AGTPBP1: variants seen among roughly 807,000 people sequenced by gnomAD.
AGTPBP1 encodes ATP/GTP binding carboxypeptidase 1, also known as cytosolic carboxypeptidase 1.
Under a neutral mutation model 143.9 loss-of-function variants are expected in AGTPBP1, and 70 were observed. The observed-to-expected ratio is 0.49, with a 90% confidence interval of 0.40 to 0.59. The LOEUF is 0.59. Ranked by LOEUF, AGTPBP1 falls within the 20% of genes least tolerant of loss-of-function variation. The pLI is 0.00. For synonymous variants in AGTPBP1, 463 were observed against 500.2 expected, an observed-to-expected ratio of 0.93 and a Z score of 0.99; for missense variants, 1,229 against 1,464.5, an observed-to-expected ratio of 0.84 and a Z score of 2.62.
At chr9:85,708,206 C>A (rs1041523858) in intron 2 of AGTPBP1, among the ~76,000 whole-genome samples, 14 of 152,240 alleles carry the variant, frequency 9.2e-5, no homozygotes, top group Non-Finnish European at 1.5e-4. Context: ...TCACCCTAAC[C>A]TTTTGCTTCC....
chr9:85,724,525 A>G (rs1438266368), intron 1 of AGTPBP1, among the ~76,000 whole-genome samples: 3 of 152,174 alleles, frequency 2.0e-5, no homozygotes, highest in Non-Finnish European at 4.4e-5. Flanking sequence ...TTAATGCCAC[A>G]ATCTACTTTA....
At chr9:85,729,340 A>G (rs1184588094) in intron 1 of AGTPBP1, among the ~76,000 whole-genome samples, 1 of 152,226 alleles carries the variant, frequency 6.6e-6, no homozygotes, top group Non-Finnish European at 1.5e-5. Flanking sequence ...GAAGTTCAAT[A>G]TACGCTACAA....
chr9:85,605,438 CA>C (rs1443170282), intron 17 of AGTPBP1, among the ~76,000 whole-genome samples: 1 of 151,204 alleles, frequency 6.6e-6, no homozygotes, highest in South Asian at 2.1e-4. Context: ...CTTCCCCAGA[CA>C]AAAAAAAGCT....
In AGTPBP1 at chr9:85,589,294, G is replaced by A. The variant is rs115736497; in HGVS notation, c.2722+234C>T. ...CAATTTCTAAGGATAAGAACTAAAC[G>A]ACAGTGGTAGCAAAAGAGACCTCAG... On this transcript the variant is annotated intron_variant, in intron 20 of 25. Transcript: ENST00000357081. 3.0e-3 allele frequency among the ~76,000 whole-genome samples: 454 copies of A among 152,096 alleles called. 2 individuals carry two copies. Among genetic ancestry groups the A allele is most frequent in the African/African-American group, 9.5e-3 (395 of 41,496 alleles).
chr9:85,673,681 G>A (rs1007878425), intron 6 of AGTPBP1, among the ~76,000 whole-genome samples: 1 of 151,968 alleles, frequency 6.6e-6, no homozygotes, highest in Non-Finnish European at 1.5e-5. Context: ...AGGGGTGAAG[G>A]TTGAAAAATT....
At chr9:85,717,451 G>A (rs1045773251) in intron 1 of AGTPBP1, among the ~76,000 whole-genome samples, 1 of 152,226 alleles carries the variant, frequency 6.6e-6, no homozygotes, top group Non-Finnish European at 1.5e-5. Context: ...GCAGTGAGCT[G>A]TGTTCACACC....
At chr9:85,744,140 C>T (rs765046038), upstream of AGTPBP1, among the ~76,000 whole-genome samples, 2 of 151,938 alleles carry the variant, frequency 1.3e-5, no homozygotes, top group Non-Finnish European at 2.9e-5. Context: ...CTAAGTCACC[C>T]AGGCTGGTCT....
At chr9:85,652,894 A>G (rs1833256783) in intron 11 of AGTPBP1, among the ~76,000 whole-genome samples, 1 of 152,182 alleles carries the variant, frequency 6.6e-6, no homozygotes, top group Non-Finnish European at 1.5e-5. Flanking sequence ...TATTAACTCC[A>G]GGTCTTCAGT....
At chr9:85,643,124 G>A in intron 12 of AGTPBP1, 181 bp from the exon 13 acceptor site, 1 of 548,978 alleles carries the variant, frequency 1.8e-6, no homozygotes, top group Non-Finnish European at 3.2e-6. Context: ...GGGTTGTTGT[G>A]TTATTGTTGG....
chr9:85,777,093 G>A, the AGTPBP1 span, among the ~76,000 whole-genome samples: 5 of 152,086 alleles, frequency 3.3e-5, no homozygotes, highest in East Asian at 1.9e-4. Context: ...TTCATCCTGC[G>A]AATGACCAGT....
At chr9:85,699,062 G>C (rs191887196) in intron 2 of AGTPBP1, among the ~76,000 whole-genome samples, 1 of 152,182 alleles carries the variant, frequency 6.6e-6, no homozygotes, top group Non-Finnish European at 1.5e-5. Flanking sequence ...ATGTAACAGT[G>C]AGAAAATTAT....
intron 1 of AGTPBP1, among the ~76,000 whole-genome samples, chr9:85,717,838 C>T (rs1837816768): frequency 6.6e-6 from 1 of 151,984 alleles, no homozygotes; most frequent in African/African-American, 2.4e-5. Context: ...AGCCCCCCAC[C>T]CCCTAACAGG....
rs573392498 is a variant in AGTPBP1 at position 85,669,582 on chromosome 9, A to G, written c.569-4T>C. On this transcript the variant is annotated splice_polypyrimidine_tract_variant and splice_region_variant and intron_variant, in intron 7 of 25. Coordinates refer to ENST00000357081, the MANE Select transcript of AGTPBP1 (RefSeq NM_001330701.2). ...CCTAAGGATACTGAATTCACAGCTGAGAGGGGGAGAAAGAGATGCAAAATT... is the reference window on the plus strand; with the variant it reads ...CCTAAGGATACTGAATTCACAGCTGGGAGGGGGAGAAAGAGATGCAAAATT... 3.5e-5 allele frequency: 56 copies of G among 1,602,530 alleles called. No individual in the cohort carries two copies. The East Asian group carries it at 1.2e-3, about 33-fold the overall frequency.
At chr9:85,687,337 G>A (rs1231196003) in intron 3 of AGTPBP1, among the ~76,000 whole-genome samples, 1 of 152,110 alleles carries the variant, frequency 6.6e-6, no homozygotes, top group African/African-American at 2.4e-5. Context: ...AATCAACAGT[G>A]TATAAGAGAT....
intron 18 of AGTPBP1, among the ~76,000 whole-genome samples, chr9:85,593,378 G>A (rs1374564495): frequency 2.0e-5 from 3 of 152,078 alleles, no homozygotes; most frequent in Non-Finnish European, 4.4e-5. Flanking sequence ...AAGAGAAAAG[G>A]GAAGCCTATA....
intron 25 of AGTPBP1, among the ~76,000 whole-genome samples, chr9:85,564,373 T>G (rs1826943059): frequency 1.3e-5 from 2 of 152,242 alleles, no homozygotes; most frequent in Non-Finnish European, 2.9e-5. Context: ...TAGAAGCACC[T>G]AACTTGGTTG....
chr9:85,779,246 T>TAG, the AGTPBP1 span, among the ~76,000 whole-genome samples: 17 of 146,772 alleles, frequency 1.2e-4, no homozygotes, highest in East Asian at 3.9e-4. Context: ...GATATAGATA[T>TAG]CTATATAAAT....
At chr9:85,579,559 T>C (rs1287868194) in intron 23 of AGTPBP1, among the ~76,000 whole-genome samples, 2 of 148,548 alleles carry the variant, frequency 1.3e-5, no homozygotes, top group Non-Finnish European at 3.0e-5. Context: ...AAAGCATAAA[T>C]ATAGAAGTAT....
At chr9:85,732,488 A>G (rs551491586) in intron 1 of AGTPBP1, among the ~76,000 whole-genome samples, 2 of 152,300 alleles carry the variant, frequency 1.3e-5, no homozygotes, top group East Asian at 3.9e-4. Context: ...TGAAGAAACC[A>G]CTTTATGAAG....
Sources: gnomAD v4.1 joint callset for allele counts (sites outside exome capture counted in the v4.1 genomes callset) on GRCh38, gnomAD v4.1.1 for gene constraint, MANE v1.5 for transcripts, NCBI Gene and HGNC (gene_info 2026-07-23, HGNC 2026-07-21) for gene names.